SLC30A7: variants seen among roughly 807,000 people sequenced by gnomAD.
SLC30A7 encodes solute carrier family 30 member 7, also known as zinc transporter 7.
In SLC30A7, 35 loss-of-function variants were observed where a neutral mutation model predicts 46.0. The ratio of observed to expected loss-of-function variants is 0.76; its 90% CI spans 0.58 to 1.01. SLC30A7 has a LOEUF of 1.01. Ranked by LOEUF, SLC30A7 falls within the 50% of genes least tolerant of loss-of-function variation. SLC30A7 has a pLI of 0.00. For synonymous variants in SLC30A7, 147 were observed against 157.8 expected (o/e 0.93, Z 0.51); for missense variants, 464 against 451.1 (o/e 1.03, Z -0.26).
At chr1:100,956,320 C>A (rs79015584) in intron 8 of SLC30A7, among the ~76,000 whole-genome samples, 1 of 151,772 alleles carries the variant, frequency 6.6e-6, no homozygotes, top group African/African-American at 2.4e-5. Context: ...TTCTAGAGTC[C>A]TCAAACTAAG....
the SLC30A7 span, chr1:100,992,669 A>G: frequency 6.2e-7 from 1 of 1,613,976 alleles, no homozygotes; most frequent in Non-Finnish European, 8.5e-7. Context: ...TTGATTTTGA[A>G]CAATCTCCAG....
chr1:100,960,335 A>T (rs1185075771), intron 8 of SLC30A7, among the ~76,000 whole-genome samples: 1 of 152,094 alleles, frequency 6.6e-6, no homozygotes, highest in African/African-American at 2.4e-5. Flanking sequence ...CAGTCTCCTC[A>T]TTTCTTTCCT....
chr1:100,917,870 C>T (rs565701235), intron 6 of SLC30A7, among the ~76,000 whole-genome samples: 195 of 152,246 alleles, frequency 1.3e-3, no homozygotes, highest in South Asian at 3.7e-3. Context: ...CTGAAATACT[C>T]CATACTTTTG....
At chr1:100,993,433 T>C in the SLC30A7 span, among the ~76,000 whole-genome samples, 2 of 150,760 alleles carry the variant, frequency 1.3e-5, no homozygotes, top group Admixed American at 6.6e-5. Flanking sequence ...ACGCCTGTAA[T>C]CCCAGCTACT....
intron 10 of SLC30A7, 50 bp from the exon 11 acceptor site, chr1:100,974,760 G>T: frequency 7.3e-7 from 1 of 1,363,456 alleles, no homozygotes; most frequent in Non-Finnish European, 1.0e-6. Flanking sequence ...AATGTGTAGG[G>T]TGTTATTAGC....
rs1652272708 is a variant in SLC30A7, at chr1:100,913,598, T to A, written c.512-65T>A. 7 of 1,214,416 alleles carry A rather than the reference T, an allele frequency of 5.8e-6. No homozygotes were observed. The Admixed American group carries it at 1.2e-4, about 22-fold the overall frequency. 75.2% of individuals were successfully genotyped at this position (1,214,416 alleles called of 1,614,324 possible). A position where few individuals can be genotyped will look rare whatever the true frequency, so the allele number is the denominator to read the frequency against. On this transcript the variant is annotated intron_variant, in intron 5 of 10. Coordinates refer to ENST00000357650, the MANE Select transcript of SLC30A7 (RefSeq NM_133496.5). ...AGCTGATTCTTTGCGCTAGTGTCAG[T>A]ATAATTGTAACCATTTATATAATAT...
In SLC30A7 at chr1:100,965,844, A is replaced by T; in HGVS notation, c.1009A>T (p.Thr337Ser). Residue 337 changes from threonine (T) to serine (S), a missense_variant, in exon 10 of 11, where the codon ACC becomes TCC. Thr to Ser is a moderately conservative substitution (Grantham distance 58). Coordinates refer to ENST00000357650, the MANE Select transcript of SLC30A7 (RefSeq NM_133496.5). ...WTLCSDVYVGTLKLIVAPDAD... is the reference protein window; with the variant it reads ...WTLCSDVYVGSLKLIVAPDAD... ...TTTATGTTCTGACGTTTATGTTGGGACCTTGAAATTAATAGTAGCACCTGA... is the reference window on the plus strand; with the variant it reads ...TTTATGTTCTGACGTTTATGTTGGGTCCTTGAAATTAATAGTAGCACCTGA... 6.2e-7 allele frequency: 1 copy of T among 1,613,936 alleles called. No individual in the cohort carries two copies.
chr1:100,988,554 T>C, the SLC30A7 span, among the ~76,000 whole-genome samples: 1 of 152,090 alleles, frequency 6.6e-6, no homozygotes, highest in East Asian at 1.9e-4. Context: ...GTCTAACAGA[T>C]TGAAAATGAG....
Position 100,911,158 on chromosome 1 carries a change from A to G in SLC30A7, c.384+8A>G, listed in dbSNP as rs1342792503. ...TTCTCAGAAGGAGTTGAGGTATAGTAGATAATTATTAAAGTCAGTAAATTA... is the reference window on the plus strand; with the variant it reads ...TTCTCAGAAGGAGTTGAGGTATAGTGGATAATTATTAAAGTCAGTAAATTA... On this transcript the variant is annotated splice_region_variant and intron_variant, in intron 4 of 10. Transcript: ENST00000357650. 1 of 1,551,264 alleles carries G rather than the reference A, an allele frequency of 6.4e-7. No homozygotes were observed. Among genetic ancestry groups the G allele is most frequent in the South Asian group, 1.2e-5 (1 of 86,132 alleles).
intron 8 of SLC30A7, among the ~76,000 whole-genome samples, chr1:100,948,524 G>T (rs1654773724): frequency 6.6e-6 from 1 of 152,062 alleles, no homozygotes. Context: ...GTGTGTCTTG[G>T]GGTTGGTCTT....
chr1:100,929,229 A>G (rs927174819), intron 8 of SLC30A7, among the ~76,000 whole-genome samples: 9 of 152,200 alleles, frequency 5.9e-5, no homozygotes, highest in Middle Eastern at 3.4e-3. Context: ...TCTCTTGCCT[A>G]ATTTCTCTAT....
At chr1:100,961,607 C>G (rs1414610374) in intron 8 of SLC30A7, among the ~76,000 whole-genome samples, 1 of 152,148 alleles carries the variant, frequency 6.6e-6, no homozygotes, top group Non-Finnish European at 1.5e-5. Flanking sequence ...TAGCTTTACT[C>G]TTTCATACAT....
chr1:100,896,397 C>A, intron 1 of SLC30A7, 55 bp downstream of exon 1: 3 of 1,586,660 alleles, frequency 1.9e-6, no homozygotes, highest in Non-Finnish European at 1.7e-6. Context: ...GGAGAAGGCC[C>A]AGACCTCAGG....
At chr1:100,910,054 C>T (rs544645098) in intron 3 of SLC30A7, among the ~76,000 whole-genome samples, 2 of 152,154 alleles carry the variant, frequency 1.3e-5, no homozygotes, top group South Asian at 4.1e-4. Flanking sequence ...CATAGAAATA[C>T]ATACTATGTT....
chr1:100,929,825 G>A (rs1653559805), intron 8 of SLC30A7, among the ~76,000 whole-genome samples: 1 of 152,022 alleles, frequency 6.6e-6, no homozygotes, highest in Non-Finnish European at 1.5e-5. Flanking sequence ...ACAGGAGAAT[G>A]AATATAATGT....
At chr1:100,962,158 A>G (rs1655585457) in intron 9 of SLC30A7, among the ~76,000 whole-genome samples, 1 of 152,224 alleles carries the variant, frequency 6.6e-6, no homozygotes, top group Non-Finnish European at 1.5e-5. Context: ...TTAAAAATAT[A>G]GAATATCTAT....
chr1:100,897,759 C>A (rs1241883274), intron 2 of SLC30A7, among the ~76,000 whole-genome samples: 1 of 152,112 alleles, frequency 6.6e-6, no homozygotes, highest in Non-Finnish European at 1.5e-5. Flanking sequence ...CAATAACCAG[C>A]AGATTATGAA....
chr1:100,904,211 A>G (rs1651494627), intron 2 of SLC30A7, among the ~76,000 whole-genome samples: 1 of 152,150 alleles, frequency 6.6e-6, no homozygotes, highest in South Asian at 2.1e-4. Flanking sequence ...CTTGTTTTTA[A>G]AGACTGAACT....
chr1:100,951,126 T>A (rs1057110217), intron 8 of SLC30A7, among the ~76,000 whole-genome samples: 2 of 152,130 alleles, frequency 1.3e-5, no homozygotes, highest in Non-Finnish European at 2.9e-5. Flanking sequence ...TCAGATTTTT[T>A]CCACTTGGCA....
Sources: gnomAD v4.1 joint callset for allele counts (sites outside exome capture counted in the v4.1 genomes callset) on GRCh38, gnomAD v4.1.1 for gene constraint, MANE v1.5 for transcripts, NCBI Gene and HGNC (gene_info 2026-07-23, HGNC 2026-07-21) for gene names.